STAU2: variants seen among roughly 807,000 people sequenced by gnomAD.
STAU2 encodes the protein double-stranded RNA-binding protein Staufen homolog 2.
STAU2 carries 20 observed loss-of-function variants against 65.9 expected under a neutral mutation model. The observed-to-expected ratio is 0.30, with a 90% CI of 0.21 to 0.44. The LOEUF is 0.44. Among genes scored for constraint, STAU2 ranks in the 20% least tolerant of loss-of-function variants. The probability of loss-of-function intolerance (pLI) is 1.00; values close to 1 mark genes in which losing one functional copy is unlikely to be tolerated. For synonymous variants in STAU2, 232 were observed against 233.9 expected, an observed-to-expected ratio of 0.99 and a Z score of 0.07; for missense variants, 558 against 683.9, an observed-to-expected ratio of 0.82 and a Z score of 2.05.
intron 4 of STAU2, among the ~76,000 whole-genome samples, chr8:73,701,266 T>G (rs562078907): frequency 6.6e-6 from 1 of 151,986 alleles, no homozygotes; most frequent in East Asian, 1.9e-4. Context: ...AAAGCAACAA[T>G]GGACAAATGG....
intron 3 of STAU2, among the ~76,000 whole-genome samples, chr8:73,736,523 C>T (rs765762031): frequency 1.3e-5 from 2 of 152,172 alleles, no homozygotes; most frequent in African/African-American, 2.4e-5. Flanking sequence ...AGCAGGACTG[C>T]AGTCAAGCAA....
At chr8:73,688,530 G>C in intron 5 of STAU2, 124 bp downstream of exon 5, 2 of 699,072 alleles carry the variant, frequency 2.9e-6, no homozygotes, top group Non-Finnish European at 4.8e-6. Flanking sequence ...GTGTGTGTGT[G>C]TAGGTATGGG....
intron 13 of STAU2, chr8:73,551,523 T>C (rs1807331228): frequency 1.0e-6 from 1 of 987,310 alleles, no homozygotes; most frequent in Admixed American, 6.1e-5. Context: ...ACTTCTAGAA[T>C]GTTGTATCTT....
At chr8:73,532,406 G>T (rs1805880214) in intron 13 of STAU2, among the ~76,000 whole-genome samples, 1 of 152,086 alleles carries the variant, frequency 6.6e-6, no homozygotes, top group African/African-American at 2.4e-5. Context: ...TGAGAGTCTG[G>T]GATGAGCATG....
intron 11 of STAU2, among the ~76,000 whole-genome samples, chr8:73,591,496 T>C (rs1342555126): frequency 1.3e-5 from 2 of 151,924 alleles, no homozygotes; most frequent in Non-Finnish European, 2.9e-5. Flanking sequence ...AATTTAAAGA[T>C]AGGTTAAAAG....
intron 11 of STAU2, among the ~76,000 whole-genome samples, chr8:73,588,411 C>T (rs1333265315): frequency 6.6e-6 from 1 of 152,230 alleles, no homozygotes; most frequent in African/African-American, 2.4e-5. Context: ...CAGCTCTTTT[C>T]CATTGTCCTG....
intron 12 of STAU2, among the ~76,000 whole-genome samples, chr8:73,558,341 G>T (rs918437446): frequency 8.5e-5 from 13 of 152,140 alleles, no homozygotes; most frequent in African/African-American, 2.4e-4. Context: ...GATTTTAAAG[G>T]TCTAAAGTTG....
chr8:73,727,223 AC>A lies in STAU2; in HGVS notation c.-18+11060del, dbSNP rs1394361379. Among the ~76,000 whole-genome samples, 3 of 152,286 alleles carry A rather than the reference AC, an allele frequency of 2.0e-5. No individual in the cohort carries two copies. In the East Asian group the frequency reaches 5.8e-4, roughly 29 times the overall value. On this transcript the variant is annotated intron_variant, in intron 3 of 14. Coordinates refer to ENST00000524300, the MANE Select transcript of STAU2 (RefSeq NM_001164380.2). ...CCAGACTGAGCGACAGAGGGAGACTACATCTCAAAAAAATAAATAAATAAAA... is the reference window on the plus strand; with the variant it reads ...CCAGACTGAGCGACAGAGGGAGACTAATCTCAAAAAAATAAATAAATAAAA...
chr8:73,536,370 T>C (rs1186886941), intron 13 of STAU2, among the ~76,000 whole-genome samples: 1 of 152,178 alleles, frequency 6.6e-6, no homozygotes, highest in East Asian at 1.9e-4. Flanking sequence ...AAGTCTGCTC[T>C]TTCTAACCAA....
At chr8:73,566,375 C>T (rs1465173398) in intron 12 of STAU2, among the ~76,000 whole-genome samples, 1 of 152,010 alleles carries the variant, frequency 6.6e-6, no homozygotes, top group Non-Finnish European at 1.5e-5. Context: ...AGTTTCTCAG[C>T]CATTTAGTGT....
At chr8:73,681,417 TGAGA>T (rs1169715920) in intron 5 of STAU2, among the ~76,000 whole-genome samples, 1 of 152,166 alleles carries the variant, frequency 6.6e-6, no homozygotes, top group Non-Finnish European at 1.5e-5. Flanking sequence ...AAACAAATGC[TGAGA>T]GAATTTGCCA....
rs145432052 is a variant in STAU2 at position 73,431,162 on chromosome 8, A to G, written c.1531-8460T>C. Among the ~76,000 whole-genome samples the G allele has an allele frequency of 4.1e-3, 630 of 152,366 alleles. 5 individuals are homozygous for G. The highest frequency in any genetic ancestry group is 7.2e-3 in the Non-Finnish European group (487 of 68,034). On this transcript the variant is annotated intron_variant, in intron 13 of 14. Transcript: ENST00000524300. ...GCAGATTAGAGAATTTCAAAGATAC[A>G]CTAACATAAGCATCCAGAACGCTCC... is the stretch of plus-strand genomic sequence containing the variant.
At chr8:73,621,621 C>T (rs968412095) in intron 6 of STAU2, among the ~76,000 whole-genome samples, 3 of 152,182 alleles carry the variant, frequency 2.0e-5, no homozygotes, top group African/African-American at 7.2e-5. Context: ...AAAACTCCCC[C>T]ATCCAAGTTA....
At chr8:73,515,298 G>C (rs1822643739) in intron 13 of STAU2, among the ~76,000 whole-genome samples, 1 of 152,194 alleles carries the variant, frequency 6.6e-6, no homozygotes, top group Non-Finnish European at 1.5e-5. Context: ...TTGCCATGTG[G>C]AATGAAAGTA....
rs145169467 is a variant in STAU2, at chr8:73,711,562, A to G, written c.-17-2400T>C. ...TTACAATGCAAAACATATTAGAAGC[A>G]TACAAACATAGTGTGAAAATTTTAT... On this transcript the variant is annotated intron_variant, in intron 3 of 14. Transcript: ENST00000524300. 7.8e-3 allele frequency among the ~76,000 whole-genome samples: 1,188 copies of G among 152,316 alleles called. 18 individuals are homozygous for G. Among genetic ancestry groups the G allele is most frequent in the African/African-American group, 0.027 (1,116 of 41,576 alleles).
chr8:73,716,638 T>A (rs543053423), intron 3 of STAU2, among the ~76,000 whole-genome samples: 1 of 149,952 alleles, frequency 6.7e-6, no homozygotes, highest in Non-Finnish European at 1.5e-5. Flanking sequence ...AATTTGCATC[T>A]CCCTAATGAA....
intron 4 of STAU2, among the ~76,000 whole-genome samples, chr8:73,708,582 C>G (rs771907850): frequency 1.3e-5 from 2 of 152,108 alleles, no homozygotes; most frequent in African/African-American, 4.8e-5. Flanking sequence ...TTAAATATCA[C>G]ATTGGAAAAG....
chr8:73,495,469 A>G (rs923276620), intron 13 of STAU2, among the ~76,000 whole-genome samples: 14 of 151,420 alleles, frequency 9.2e-5, no homozygotes, highest in Admixed American at 2.0e-4. Context: ...TTTAAAACAT[A>G]TCAGTTACTT....
chr8:73,540,219 T>G (rs1806456568), intron 13 of STAU2, among the ~76,000 whole-genome samples: 1 of 152,096 alleles, frequency 6.6e-6, no homozygotes, highest in African/African-American at 2.4e-5. Flanking sequence ...AGACTCGAAA[T>G]CTAATAACAA....
Sources: gnomAD v4.1 joint callset for allele counts (sites outside exome capture counted in the v4.1 genomes callset) on GRCh38, gnomAD v4.1.1 for gene constraint, MANE v1.5 for transcripts, NCBI Gene and HGNC (gene_info 2026-07-23, HGNC 2026-07-21) for gene names.